DTL: variants seen among roughly 807,000 people sequenced by gnomAD.
DTL encodes the protein denticleless E3 ubiquitin protein ligase adapter.
A neutral mutation model predicts 87.0 loss-of-function variants in DTL; 46 were observed. The observed-to-expected ratio is 0.53, with a 90% CI of 0.42 to 0.68. The LOEUF (loss-of-function observed/expected upper bound fraction) is 0.68. Ranked by LOEUF, DTL falls within the 30% of genes least tolerant of loss-of-function variation. The pLI is 0.00. For missense variants in DTL, 737 were observed against 869.4 expected (o/e 0.85, Z 1.91); for synonymous variants, 308 against 311.2 (o/e 0.99, Z 0.11).
chr1:212,091,855 T>C (rs191097857), intron 13 of DTL, among the ~76,000 whole-genome samples: 88 of 152,368 alleles, frequency 5.8e-4, no homozygotes, highest in African/African-American at 1.9e-3. Context: ...ATTTAATCAT[T>C]CTACAATGTA....
Position 212,035,826 on chromosome 1 carries a change from T to C in DTL, c.-65T>C. ...GTGTTGTGAGAGGCGCAAGCTGCGA[T>C]TTCTGCTGAACTTGGAGGCATTTCT... On this transcript the variant is annotated 5_prime_UTR_variant, in exon 1 of 15. Transcript: ENST00000366991. The C allele has an allele frequency of 1.3e-6, 2 of 1,525,420 alleles. No individual in the cohort carries two copies. Among genetic ancestry groups the C allele is most frequent in the East Asian group, 2.3e-5 (1 of 44,190 alleles). The allele number at this position is 1,525,420 out of a possible 1,614,324, so 94.5% of individuals were successfully genotyped here. A position where few individuals can be genotyped will look rare whatever the true frequency, so the allele number is the denominator to read the frequency against.
chr1:212,035,949 A>G lies in DTL; in HGVS notation c.52+7A>G. ...CTTGGCGTCCTGAGAAATGGTGAGT[A>G]ACGGTCCCAACCGCTGCTCGGAGCT... On this transcript the variant is annotated splice_region_variant and intron_variant, in intron 1 of 14. Transcript: ENST00000366991. 6.2e-7 allele frequency: 1 copy of G among 1,613,990 alleles called. No homozygotes were observed.
chr1:212,039,810 A>G (rs947328411), intron 1 of DTL, among the ~76,000 whole-genome samples: 2 of 152,236 alleles, frequency 1.3e-5, no homozygotes, highest in African/African-American at 4.8e-5. Flanking sequence ...TTCAGTAAAA[A>G]TAGGATATAA....
At chr1:212,055,512 TCATTCCCCTGAGTGGAGGGGCAGCTG>T (rs1668146304) in intron 5 of DTL, among the ~76,000 whole-genome samples, 1 of 152,114 alleles carries the variant, frequency 6.6e-6, no homozygotes, top group Non-Finnish European at 1.5e-5. Context: ...CACAGCGACC[TCATTCCCCTGAGTGGAGGGGCAGCTG>T]CACATTTTCA....
intron 5 of DTL, chr1:212,051,515 T>TA (rs1667980802): frequency 8.7e-6 from 4 of 459,066 alleles, no homozygotes; most frequent in South Asian, 2.0e-5. Flanking sequence ...TTTTTTTTTT[T>TA]AACACCTATT....
At chr1:212,039,886 T>A (rs888897204) in intron 1 of DTL, among the ~76,000 whole-genome samples, 1 of 152,034 alleles carries the variant, frequency 6.6e-6, no homozygotes, top group African/African-American at 2.4e-5. Context: ...GGACTGGGGG[T>A]TGCTGTGAGT....
chr1:212,042,944 T>C (rs1667699124), intron 1 of DTL, 49 bp from the exon 2 acceptor site: 1 of 1,517,916 alleles, frequency 6.6e-7, no homozygotes, highest in African/African-American at 1.4e-5. Context: ...TTAAAAATGC[T>C]GAAATGTGAT....
At position 212,103,141 on chromosome 1, in the gene DTL, C is replaced by T. The variant is rs1381543992; in HGVS notation, c.*201C>T. On this transcript the variant is annotated 3_prime_UTR_variant, in exon 15 of 15. Coordinates refer to ENST00000366991, the MANE Select transcript of DTL (RefSeq NM_016448.4). ...CTACCATAATGTATATGCAGCTTCC[C>T]GAGGATGAATGCTGTGTTTAAATTT... The T allele has an allele frequency of 1.1e-5, 4 of 354,508 alleles. No individual in the cohort carries two copies. The highest frequency in any genetic ancestry group is 6.4e-5 in the African/African-American group (3 of 47,174). The allele number at this position is 354,508 out of a possible 1,614,324, so 22.0% of individuals were successfully genotyped here. A position where few individuals can be genotyped will look rare whatever the true frequency, so the allele number is the denominator to read the frequency against.
At chr1:212,046,308 A>T (rs540941177) in intron 3 of DTL, among the ~76,000 whole-genome samples, 1 of 152,174 alleles carries the variant, frequency 6.6e-6, no homozygotes, top group African/African-American at 2.4e-5. Flanking sequence ...TTTAAGTTCC[A>T]GGGTACATGT....
chr1:212,064,980 C>T lies in DTL; in HGVS notation c.590C>T (p.Pro197Leu), dbSNP rs765997063. Reference sequence around the variant, plus strand: ...CACAATACCTCAGACAAGCAAACCCCTTCAAAACCCAAGAAGAAACAGAAT... The same window carrying T: ...CACAATACCTCAGACAAGCAAACCCTTTCAAAACCCAAGAAGAAACAGAAT... ...GAHNTSDKQTPSKPKKKQNSK... is the reference protein window; with the variant it reads ...GAHNTSDKQTLSKPKKKQNSK... Residue 197 changes from proline (P) to leucine (L), a missense_variant, in exon 7 of 15, where the codon CCT (proline) becomes CTT (leucine). Transcript: ENST00000366991. 1.2e-6 allele frequency: 2 copies of T among 1,614,090 alleles called. No homozygotes were observed. Among genetic ancestry groups the T allele is most frequent in the South Asian group, 2.2e-5 (2 of 91,088 alleles).
At chr1:212,065,122 G>A (rs1654452035) in intron 7 of DTL, 93 bp downstream of exon 7, 2 of 925,378 alleles carry the variant, frequency 2.2e-6, no homozygotes, top group Non-Finnish European at 3.4e-6. Flanking sequence ...GAATCTTCAT[G>A]ATTCTCATTT....
At chr1:212,063,060 A>G (rs1482757091) in intron 6 of DTL, 111 bp downstream of exon 6, 11 of 773,692 alleles carry the variant, frequency 1.4e-5, no homozygotes, top group Non-Finnish European at 2.4e-5. Flanking sequence ...TGTACTCATA[A>G]TTTCCCATTT....
At chr1:212,052,943 A>G (rs1473737160) in intron 5 of DTL, among the ~76,000 whole-genome samples, 1 of 152,166 alleles carries the variant, frequency 6.6e-6, no homozygotes, top group East Asian at 1.9e-4. Context: ...GAATCTTTTC[A>G]TCAGTCCAAA....
At chr1:212,089,575 T>A (rs994671972) in intron 13 of DTL, among the ~76,000 whole-genome samples, 2 of 152,242 alleles carry the variant, frequency 1.3e-5, no homozygotes, top group Admixed American at 1.3e-4. Flanking sequence ...CTGTACTGGT[T>A]GAATTTTTTT....
intron 11 of DTL, among the ~76,000 whole-genome samples, chr1:212,077,379 C>T (rs1654861520): frequency 6.6e-6 from 1 of 152,114 alleles, no homozygotes. Context: ...ATGTACAGGA[C>T]AGTACAATGT....
At chr1:212,050,378 A>G (rs1667931163) in intron 5 of DTL, among the ~76,000 whole-genome samples, 1 of 152,216 alleles carries the variant, frequency 6.6e-6, no homozygotes, top group Admixed American at 6.5e-5. Flanking sequence ...TCTACCAACT[A>G]AAAGCAAAGA....
intron 11 of DTL, among the ~76,000 whole-genome samples, chr1:212,075,425 C>T (rs1183497205): frequency 1.3e-5 from 2 of 152,048 alleles, no homozygotes; most frequent in African/African-American, 2.4e-5. Context: ...ACTTAATAGT[C>T]GCCTTCCTAC....
intron 13 of DTL, among the ~76,000 whole-genome samples, chr1:212,089,186 T>C (rs1363320551): frequency 2.0e-5 from 3 of 152,214 alleles, no homozygotes; most frequent in African/African-American, 7.2e-5. Context: ...CAGTCTATGC[T>C]ACCATGTCAT....
intron 1 of DTL, 35 bp from the exon 2 acceptor site, chr1:212,042,958 G>C: frequency 6.4e-7 from 1 of 1,561,316 alleles, no homozygotes; most frequent in Non-Finnish European, 8.7e-7. Flanking sequence ...ATGTGATGCT[G>C]TATTGGAATT....
Sources: allele counts gnomAD v4.1 joint callset (sites outside exome capture counted in the v4.1 genomes callset), GRCh38; gene constraint gnomAD v4.1.1; transcripts MANE v1.5; gene names NCBI Gene and HGNC (gene_info 2026-07-23, HGNC 2026-07-21).